FRMD4B: variants seen among roughly 807,000 people sequenced by gnomAD.
FRMD4B encodes FERM domain containing 4B.
Under a neutral mutation model 141.5 loss-of-function variants are expected in FRMD4B, and 74 were observed. The ratio of observed to expected loss-of-function variants is 0.52; its 90% CI spans 0.43 to 0.63. The LOEUF (loss-of-function observed/expected upper bound fraction) is 0.63, where lower values mean the gene tolerates loss of function less well. FRMD4B is among the 30% of genes least tolerant of loss of function. FRMD4B has a pLI of 0.00. For missense variants in FRMD4B, 1,366 were observed against 1,253.4 expected, an observed-to-expected ratio of 1.09 and a Z score of -1.36; for synonymous variants, 506 against 467.9, an observed-to-expected ratio of 1.08 and a Z score of -1.05.
intron 7 of FRMD4B, among the ~76,000 whole-genome samples, chr3:69,243,034 T>C (rs1174491188): frequency 6.6e-6 from 1 of 151,798 alleles, no homozygotes; most frequent in Non-Finnish European, 1.5e-5. Context: ...ACAAACTCAT[T>C]TGTGGCTGGC....
At chr3:69,392,527 A>G (rs1261656045) in intron 2 of FRMD4B, among the ~76,000 whole-genome samples, 4 of 152,180 alleles carry the variant, frequency 2.6e-5, no homozygotes, top group African/African-American at 7.2e-5. Context: ...GGGACCAGAA[A>G]AGCCCAGCAG....
chr3:69,193,284 G>C (rs888068969), intron 17 of FRMD4B, among the ~76,000 whole-genome samples: 1 of 152,124 alleles, frequency 6.6e-6, no homozygotes, highest in African/African-American at 2.4e-5. Context: ...TGAGGAGGGT[G>C]GATCACCTGA....
At chr3:69,218,275 A>G (rs748275844) in intron 10 of FRMD4B, 47 bp downstream of exon 10, 38 of 894,048 alleles carry the variant, frequency 4.3e-5, no homozygotes, top group Non-Finnish European at 6.8e-5. Flanking sequence ...GGTATTGTGC[A>G]ATAACTCTCA....
chr3:69,209,239 G>A (rs2093053209), intron 11 of FRMD4B, among the ~76,000 whole-genome samples: 1 of 151,762 alleles, frequency 6.6e-6, no homozygotes, highest in African/African-American at 2.4e-5. Flanking sequence ...CTCAGAGTTG[G>A]TACTTTCCAA....
chr3:69,455,284 C>T (rs1190776406), intron 1 of FRMD4B, among the ~76,000 whole-genome samples: 1 of 152,228 alleles, frequency 6.6e-6, no homozygotes, highest in Non-Finnish European at 1.5e-5. Flanking sequence ...AGGTTCAGGT[C>T]TGTTTACATA....
chr3:69,212,593 A>C (rs922229144), intron 11 of FRMD4B, among the ~76,000 whole-genome samples: 1 of 152,158 alleles, frequency 6.6e-6, no homozygotes, highest in Non-Finnish European at 1.5e-5. Context: ...ATTTCTATGA[A>C]ACTGTGAACG....
At chr3:69,229,825 C>T (rs1489709894) in intron 7 of FRMD4B, among the ~76,000 whole-genome samples, 1 of 152,084 alleles carries the variant, frequency 6.6e-6, no homozygotes, top group Non-Finnish European at 1.5e-5. Context: ...CCTGCCTCAG[C>T]CTCCGGAGTA....
At chr3:69,255,281 G>A (rs1209557163) in intron 5 of FRMD4B, among the ~76,000 whole-genome samples, 3 of 152,178 alleles carry the variant, frequency 2.0e-5, no homozygotes, top group African/African-American at 7.2e-5. Flanking sequence ...AAGTGCAAAT[G>A]GAGCCAAATG....
rs199739227 is a variant in FRMD4B, at chr3:69,189,909, G to A, written c.1758C>T (p.Thr586=). 9 of 1,594,438 alleles carry A rather than the reference G, an allele frequency of 5.6e-6. No homozygotes were observed. In the East Asian group the frequency reaches 1.8e-4, roughly 32 times the overall value. ...PSESSSLSDT[T]TYDDPSDAFT... is the part of the protein sequence containing the mutation. ...AGAGCCACTTACGATCATCATAGGT[G>A]GTGGTGTCAGACAAAGAGCTACTCT... Residue 586 remains threonine (T), a synonymous_variant, in exon 18 of 23, where the codon ACC becomes ACT. Transcript: ENST00000398540.
At chr3:69,376,074 A>G (rs868694795) in intron 1 of FRMD4B, among the ~76,000 whole-genome samples, 24 of 152,308 alleles carry the variant, frequency 1.6e-4, no homozygotes, top group Middle Eastern at 3.4e-3. Flanking sequence ...GCATACATAT[A>G]TAAATTTTAC....
At chr3:69,528,820 T>C (rs1051222992) in intron 1 of FRMD4B, among the ~76,000 whole-genome samples, 5 of 150,630 alleles carry the variant, frequency 3.3e-5, no homozygotes, top group African/African-American at 1.2e-4. Context: ...AAAAAAGTAC[T>C]AGCCTATTAA....
At chr3:69,464,745 A>G (rs576392077) in intron 1 of FRMD4B, among the ~76,000 whole-genome samples, 12 of 152,354 alleles carry the variant, frequency 7.9e-5, no homozygotes, top group African/African-American at 2.9e-4. Context: ...ACACACCGTC[A>G]ATAAATTAGT....
chr3:69,208,847 T>C (rs1300623879), intron 11 of FRMD4B, among the ~76,000 whole-genome samples: 2 of 152,146 alleles, frequency 1.3e-5, no homozygotes, highest in African/African-American at 2.4e-5. Context: ...TTTTTAGTAA[T>C]AGAACATCTT....
chr3:69,317,861 T>C (rs1024960046), intron 1 of FRMD4B, among the ~76,000 whole-genome samples: 4 of 151,866 alleles, frequency 2.6e-5, no homozygotes, highest in Non-Finnish European at 5.9e-5. Context: ...CAGTCACTTA[T>C]AGTCCTTTTC....
intron 1 of FRMD4B, among the ~76,000 whole-genome samples, chr3:69,433,308 T>A (rs918056322): frequency 6.6e-5 from 10 of 152,204 alleles, no homozygotes; most frequent in Admixed American, 3.3e-4. Flanking sequence ...TCATTCTCCC[T>A]ACTACAGAAA....
chr3:69,406,529 C>T (rs934764167), intron 2 of FRMD4B, among the ~76,000 whole-genome samples: 1 of 151,958 alleles, frequency 6.6e-6, no homozygotes, highest in Non-Finnish European at 1.5e-5. Flanking sequence ...TTCTGTTCTC[C>T]TCTCCAACTT....
chr3:69,329,515 AAT>A (rs1702296858), intron 1 of FRMD4B, among the ~76,000 whole-genome samples: 1 of 79,848 alleles, frequency 1.3e-5, no homozygotes, highest in Non-Finnish European at 2.4e-5. Context: ...ATGCCCAGCT[AAT>A]TTTTTTTTTT....
chr3:69,362,700 A>AC (rs71115686), intron 1 of FRMD4B, among the ~76,000 whole-genome samples: 40,601 of 141,330 alleles, frequency 0.29, 6,634 homozygotes, highest in Non-Finnish European at 0.38. Flanking sequence ...CAAAAAGCCA[A>AC]CCCCCCCCCC....
upstream of FRMD4B, chr3:69,386,240 G>T: frequency 2.5e-6 from 1 of 400,884 alleles, no homozygotes; most frequent in African/African-American, 2.1e-5. Context: ...CGCTCGCAGC[G>T]CCGAGCAAGC....
Sources: allele counts gnomAD v4.1 joint callset (sites outside exome capture counted in the v4.1 genomes callset), GRCh38; gene constraint gnomAD v4.1.1; transcripts MANE v1.5; gene names NCBI Gene and HGNC (gene_info 2026-07-23, HGNC 2026-07-21).